RPS27L: variants seen among roughly 807,000 people sequenced by gnomAD.
The protein encoded by RPS27L is ribosomal protein S27 like.
RPS27L carries 10 observed loss-of-function variants against 12.8 expected under a neutral mutation model. That is an observed-to-expected ratio of 0.78 (90% CI 0.48 to 1.33). The LOEUF (loss-of-function observed/expected upper bound fraction) is 1.33, where lower values mean the gene tolerates loss of function less well. Ranked by LOEUF, RPS27L falls within the 40% of genes most tolerant of loss-of-function variation. RPS27L has a pLI of 0.00. For synonymous variants in RPS27L, 26 were observed against 32.3 expected (o/e 0.81, Z 0.66); for missense variants, 81 against 97.4 (o/e 0.83, Z 0.71).
Position 63,152,409 on chromosome 15 carries a change from A to T in RPS27L, c.*1623T>A, listed in dbSNP as rs1410417695. On this transcript the variant is annotated 3_prime_UTR_variant, in exon 4 of 4. Transcript: ENST00000330964. ...TTGGCCAAGGAATGGCCTGAAAAAA[A>T]TTACTGAGATTCTAATGATGTCAGA... 6.6e-6 allele frequency: 1 copy of T among 151,998 alleles called. No individual in the cohort carries two copies. Among genetic ancestry groups the T allele is most frequent in the African/African-American group, 2.4e-5 (1 of 41,422 alleles). The allele number at this position is 151,998 out of a possible 1,614,324, so 9.4% of individuals were successfully genotyped here.
rs1254595532 is a variant in RPS27L at position 63,155,746 on chromosome 15, A to AC, written c.116-16_116-15insG. The AC allele has an allele frequency of 7.6e-7, 1 of 1,319,752 alleles. No homozygotes were observed. The highest frequency in any genetic ancestry group is 2.7e-5 in the Admixed American group (1 of 37,110). The allele number at this position is 1,319,752 out of a possible 1,614,324, so 81.8% of individuals were successfully genotyped here. A position where few individuals can be genotyped will look rare whatever the true frequency, so the allele number is the denominator to read the frequency against. ...CTTGTAGCAACCTAAAAAAAAAAAAAGGCAATGTTAAAAATGAAAAGCAGA... is the reference window on the plus strand; with the variant it reads ...CTTGTAGCAACCTAAAAAAAAAAAAACGGCAATGTTAAAAATGAAAAGCAGA... On this transcript the variant is annotated splice_polypyrimidine_tract_variant and intron_variant, in intron 2 of 3. Coordinates refer to ENST00000330964, the MANE Select transcript of RPS27L (RefSeq NM_015920.4).
In RPS27L at chr15:63,150,579, C is replaced by G. The variant is rs1330803630; in HGVS notation, c.*3453G>C. ...TTATCAGATGACTTACAGGAACGAC[C>G]AGACACAAAACCATTTGTCATCTCA... On this transcript the variant is annotated 3_prime_UTR_variant, in exon 4 of 4. Coordinates refer to ENST00000330964, the MANE Select transcript of RPS27L (RefSeq NM_015920.4). 1 of 152,140 alleles carries G rather than the reference C, an allele frequency of 6.6e-6. No homozygotes were observed. Among genetic ancestry groups the G allele is most frequent in the Non-Finnish European group, 1.5e-5 (1 of 68,026 alleles). The allele number at this position is 152,140 out of a possible 1,614,324, so 9.4% of individuals were successfully genotyped here. A position where few individuals can be genotyped will look rare whatever the true frequency, so the allele number is the denominator to read the frequency against.
At position 63,157,466 on chromosome 15, in the gene RPS27L, C is replaced by T; in HGVS notation, c.-61G>A. 1 of 1,602,724 alleles carries T rather than the reference C, an allele frequency of 6.2e-7. No homozygotes were observed. The highest frequency in any genetic ancestry group is 8.5e-7 in the Non-Finnish European group (1 of 1,169,818). On this transcript the variant is annotated 5_prime_UTR_variant, in exon 1 of 4. Transcript: ENST00000330964. ...CCCAGCCCACACAGCTAGCAAGCTGCAAGCGATCTGCGCTCGGCATCAACT... is the reference window on the plus strand; with the variant it reads ...CCCAGCCCACACAGCTAGCAAGCTGTAAGCGATCTGCGCTCGGCATCAACT...
In RPS27L at chr15:63,155,746, AGGC is replaced by A; in HGVS notation, c.116-18_116-16del. On this transcript the variant is annotated splice_polypyrimidine_tract_variant and intron_variant, in intron 2 of 3. Transcript: ENST00000330964. ...CTTGTAGCAACCTAAAAAAAAAAAA[AGGC>A]AATGTTAAAAATGAAAAGCAGAGGA... 6.1e-6 allele frequency: 8 copies of A among 1,319,204 alleles called. No homozygotes were observed. Among genetic ancestry groups the A allele is most frequent in the Non-Finnish European group, 8.2e-6 (8 of 977,520 alleles). 81.7% of individuals were successfully genotyped at this position (1,319,204 alleles called of 1,614,324 possible).
rs981048842 is a variant in RPS27L at position 63,150,608 on chromosome 15, G to A, written c.*3424C>T. 1 of 152,108 alleles carries A rather than the reference G, an allele frequency of 6.6e-6. No homozygotes were observed. Among genetic ancestry groups the A allele is most frequent in the Non-Finnish European group, 1.5e-5 (1 of 68,030 alleles). 9.4% of individuals were successfully genotyped at this position (152,108 alleles called of 1,614,324 possible). On this transcript the variant is annotated 3_prime_UTR_variant, in exon 4 of 4. Transcript: ENST00000330964. ...CACAAAACCATTTGTCATCTCATCAGGCCAGAAGCCAAGAATTTCATTTTA... is the reference window on the plus strand; with the variant it reads ...CACAAAACCATTTGTCATCTCATCAAGCCAGAAGCCAAGAATTTCATTTTA...
rs1383281776 is a variant in RPS27L at position 63,153,360 on chromosome 15, C to G, written c.*672G>C. 1 of 152,128 alleles carries G rather than the reference C, an allele frequency of 6.6e-6. No homozygotes were observed. The highest frequency in any genetic ancestry group is 2.1e-4 in the South Asian group (1 of 4,830). The allele number at this position is 152,128 out of a possible 1,614,324, so 9.4% of individuals were successfully genotyped here. A position where few individuals can be genotyped will look rare whatever the true frequency, so the allele number is the denominator to read the frequency against. On this transcript the variant is annotated 3_prime_UTR_variant, in exon 4 of 4. Transcript: ENST00000330964. ...CAATATGTATTTTTTTGAAACTATTCTTTTTAATTATAGTTTAAGTTCTGG... is the reference window on the plus strand; with the variant it reads ...CAATATGTATTTTTTTGAAACTATTGTTTTTAATTATAGTTTAAGTTCTGG...
At chr15:63,156,606 C>G in intron 1 of RPS27L, 85 bp from the exon 2 acceptor site, 1 of 833,088 alleles carries the variant, frequency 1.2e-6, no homozygotes, top group South Asian at 1.5e-5. Context: ...CATGCAAAAA[C>G]AGGAATAACG....
rs1047312496 is a variant in RPS27L at position 63,148,325 on chromosome 15, AAT to A, written c.*5705_*5706del. 3 of 151,962 alleles carry A rather than the reference AAT, an allele frequency of 2.0e-5. No homozygotes were observed. Among genetic ancestry groups the A allele is most frequent in the East Asian group, 3.9e-4 (2 of 5,186 alleles). 9.4% of individuals were successfully genotyped at this position (151,962 alleles called of 1,614,324 possible). On this transcript the variant is annotated 3_prime_UTR_variant, in exon 4 of 4. Transcript: ENST00000330964. ...TGTCACATAAAAATGAATAAAAATAAATATGTTGGTATTTTAATTAGTTGGCT... is the reference window on the plus strand; with the variant it reads ...TGTCACATAAAAATGAATAAAAATAAATGTTGGTATTTTAATTAGTTGGCT...
rs765389464 is a variant in RPS27L at position 63,157,402 on chromosome 15, G to A, written c.4C>T (p.Pro2Ser). Reference sequence around the variant, plus strand: ...GGAGCCCGATGTAAACAACTCACAGGCATGTTGATCCTCTTGCAAGCTCAG... The same window carrying A: ...GGAGCCCGATGTAAACAACTCACAGACATGTTGATCCTCTTGCAAGCTCAG... Reference protein sequence around the residue: MPLARDLLHPSL... With the variant: MSLARDLLHPSL... Residue 2 changes from proline to serine, a missense_variant and splice_region_variant, in exon 1 of 4, where the codon CCT becomes TCT. Pro to Ser is a moderately conservative substitution (Grantham distance 74). Coordinates refer to ENST00000330964, the MANE Select transcript of RPS27L (RefSeq NM_015920.4). 1.2e-6 allele frequency: 2 copies of A among 1,614,094 alleles called. No homozygotes were observed. Among genetic ancestry groups the A allele is most frequent in the South Asian group, 1.1e-5 (1 of 91,080 alleles).
rs762519461 is a variant in RPS27L at position 63,154,059 on chromosome 15, C to G, written c.228G>C (p.Gly76=). The change falls in exon 4 of 4, where the codon GGG becomes GGC. Residue 76 remains glycine, a splice_region_variant and synonymous_variant. Transcript: ENST00000330964. The part of the protein sequence containing the change: ...PTGGKARLTE[G]CSFRRKQH ...AGTGTTGCTTTCTTCTAAATGAACA[C>G]CCTGCAAAAGAATCATGAGAGTATA... 5 of 1,607,674 alleles carry G rather than the reference C, an allele frequency of 3.1e-6. No homozygotes were observed. The South Asian group carries it at 4.4e-5, about 14-fold the overall frequency.
In RPS27L at chr15:63,148,398, TAAAG is replaced by T. The variant is rs1448036458; in HGVS notation, c.*5630_*5633del. ...ACTTCAAATTAATACAAAGACAAGA[TAAAG>T]AACATAGAGTCATAATCTTACACAA... On this transcript the variant is annotated 3_prime_UTR_variant, in exon 4 of 4. Coordinates refer to ENST00000330964, the MANE Select transcript of RPS27L (RefSeq NM_015920.4). The T allele has an allele frequency of 1.4e-5, 2 of 145,490 alleles. No homozygotes were observed. The highest frequency in any genetic ancestry group is 5.3e-5 in the African/African-American group (2 of 38,022). 9.0% of individuals were successfully genotyped at this position (145,490 alleles called of 1,614,324 possible). A position where few individuals can be genotyped will look rare whatever the true frequency, so the allele number is the denominator to read the frequency against.
chr15:63,151,225 G>A lies in RPS27L; in HGVS notation c.*2807C>T, dbSNP rs375371930. On this transcript the variant is annotated 3_prime_UTR_variant, in exon 4 of 4. Transcript: ENST00000330964. ...TACACCATTCGTTTCCCAATGCCAT[G>A]TAAATCCTTAGATGTGTTCTTTCTT... 5.0e-4 allele frequency: 76 copies of A among 152,172 alleles called. No individual in the cohort carries two copies. The highest frequency in any genetic ancestry group is 1.8e-3 in the African/African-American group (75 of 41,524). The allele number at this position is 152,172 out of a possible 1,614,324, so 9.4% of individuals were successfully genotyped here.
Position 63,148,792 on chromosome 15 carries a change from C to T in RPS27L, c.*5240G>A, listed in dbSNP as rs1454609161. Reference sequence around the variant, plus strand: ...TGCAATTCTGGCATCTCCTTTGAAACAAAATTCAAAGGCTATTTAAGTGTC... The same window carrying T: ...TGCAATTCTGGCATCTCCTTTGAAATAAAATTCAAAGGCTATTTAAGTGTC... On this transcript the variant is annotated 3_prime_UTR_variant, in exon 4 of 4. Coordinates refer to ENST00000330964, the MANE Select transcript of RPS27L (RefSeq NM_015920.4). The T allele has an allele frequency of 2.7e-5, 4 of 149,288 alleles. No individual in the cohort carries two copies. The Admixed American group carries it at 2.7e-4, about 10-fold the overall frequency. 9.2% of individuals were successfully genotyped at this position (149,288 alleles called of 1,614,324 possible). A position where few individuals can be genotyped will look rare whatever the true frequency, so the allele number is the denominator to read the frequency against.
chr15:63,152,239 A>T lies in RPS27L; in HGVS notation c.*1793T>A, dbSNP rs2037304621. On this transcript the variant is annotated 3_prime_UTR_variant, in exon 4 of 4. Transcript: ENST00000330964. ...GGTCACAATGAGCTATGACCCTCCA[A>T]CCTGGGCAATAGAGCCAAGACACTG... is the stretch of plus-strand genomic sequence containing the variant. 6.6e-6 allele frequency: 1 copy of T among 152,158 alleles called. No homozygotes were observed. The highest frequency in any genetic ancestry group is 1.5e-5 in the Non-Finnish European group (1 of 68,024). 9.4% of individuals were successfully genotyped at this position (152,158 alleles called of 1,614,324 possible).
Position 63,155,731 on chromosome 15 carries a change from C to T in RPS27L, c.116G>A (p.Gly39Asp), listed in dbSNP as rs77262467. The T allele has an allele frequency of 1.4e-6, 2 of 1,437,760 alleles. No homozygotes were observed. The highest frequency in any genetic ancestry group is 1.8e-6 in the Non-Finnish European group (2 of 1,086,418). 89.1% of individuals were successfully genotyped at this position (1,437,760 alleles called of 1,614,324 possible). A position where few individuals can be genotyped will look rare whatever the true frequency, so the allele number is the denominator to read the frequency against. The change falls in exon 3 of 4, where the codon GGT becomes GAT. Residue 39 changes from glycine to aspartate, a missense_variant and splice_region_variant. By Grantham distance (94) the Gly-to-Asp change is moderately conservative. Coordinates refer to ENST00000330964, the MANE Select transcript of RPS27L (RefSeq NM_015920.4). ...NSYFMDVKCPGCYKITTVFSH... is the reference protein window; with the variant it reads ...NSYFMDVKCPDCYKITTVFSH... ...GAAAACCGTGGTGATCTTGTAGCAA[C>T]CTAAAAAAAAAAAAAGGCAATGTTA...
chr15:63,149,945 G>C lies in RPS27L; in HGVS notation c.*4087C>G, dbSNP rs1047556861. The C allele has an allele frequency of 6.6e-6, 1 of 152,096 alleles. No homozygotes were observed. Among genetic ancestry groups the C allele is most frequent in the Admixed American group, 6.6e-5 (1 of 15,246 alleles). 9.4% of individuals were successfully genotyped at this position (152,096 alleles called of 1,614,324 possible). A position where few individuals can be genotyped will look rare whatever the true frequency, so the allele number is the denominator to read the frequency against. ...AAAAATTAGCGGGGTGTGGTGGCACGTGCCTGTAGTTCCAGCTACTCGGGA... is the reference window on the plus strand; with the variant it reads ...AAAAATTAGCGGGGTGTGGTGGCACCTGCCTGTAGTTCCAGCTACTCGGGA... On this transcript the variant is annotated 3_prime_UTR_variant, in exon 4 of 4. Transcript: ENST00000330964.
rs2037278894 is a variant in RPS27L at position 63,148,510 on chromosome 15, A to G, written c.*5522T>C. Reference sequence around the variant, plus strand: ...AGACTTTCATAGACACAAAACACTGAGCAGGGCTGAAGCTGAGGGTCTGCC... The same window carrying G: ...AGACTTTCATAGACACAAAACACTGGGCAGGGCTGAAGCTGAGGGTCTGCC... On this transcript the variant is annotated 3_prime_UTR_variant, in exon 4 of 4. Coordinates refer to ENST00000330964, the MANE Select transcript of RPS27L (RefSeq NM_015920.4). 6.6e-6 allele frequency: 1 copy of G among 152,232 alleles called. No individual in the cohort carries two copies. The highest frequency in any genetic ancestry group is 2.1e-4 in the South Asian group (1 of 4,834). The allele number at this position is 152,232 out of a possible 1,614,324, so 9.4% of individuals were successfully genotyped here. A position where few individuals can be genotyped will look rare whatever the true frequency, so the allele number is the denominator to read the frequency against.
In RPS27L at chr15:63,156,470, T is replaced by C. The variant is rs1286395319; in HGVS notation, c.58A>G (p.Lys20Glu). The change falls in exon 2 of 4, where the codon AAA becomes GAA. Residue 20 changes from lysine (K) to glutamate (E), a missense_variant. Transcript: ENST00000330964. ...PSLEEEKKKH[K>E]KKRLVQSPNS... ...GGACTTTGTACTAGGCGTTTCTTTT[T>C]ATGTTTTTTCTTTTCCTCTTCCAAG... 1.9e-6 allele frequency: 3 copies of C among 1,607,936 alleles called. No homozygotes were observed. The highest frequency in any genetic ancestry group is 1.3e-5 in the African/African-American group (1 of 74,612).
At chr15:63,155,818 A>G (rs1204500954) in intron 2 of RPS27L, 87 bp from the exon 3 acceptor site, 21 of 710,834 alleles carry the variant, frequency 3.0e-5, no homozygotes, top group Non-Finnish European at 4.4e-5. Context: ...TAAAAAAATC[A>G]GTAACTTCAG....
Sources: allele counts gnomAD v4.1 joint callset, GRCh38; gene constraint gnomAD v4.1.1; transcripts MANE v1.5; gene names NCBI Gene and HGNC (gene_info 2026-07-23, HGNC 2026-07-21).